The following CEP295NL variants were observed in gnomAD, a reference collection of about 807,000 sequenced individuals.
CEP295NL encodes the protein protein DDC8 homolog.
In CEP295NL, 3 loss-of-function variants were observed where a neutral mutation model predicts 4.6. The ratio of observed to expected loss-of-function variants is 0.65; its 90% CI spans 0.30 to 1.69. The LOEUF is 1.69. Among genes scored for constraint, CEP295NL ranks in the 40% most tolerant of loss-of-function variants. The pLI, the probability that CEP295NL is intolerant of heterozygous loss-of-function variation, is 0.10. For missense variants in CEP295NL, 719 were observed against 769.0 expected (o/e 0.93, Z 0.77); for synonymous variants, 295 against 312.2 (o/e 0.94, Z 0.58).
chr17:78,893,402 GGTGT>G (rs1229156770), intron 2 of CEP295NL, among the ~76,000 whole-genome samples: 2 of 120,904 alleles, frequency 1.7e-5, no homozygotes, highest in Non-Finnish European at 3.2e-5. Flanking sequence ...TGTATGCAGG[GGTGT>G]GTGTGCATAG....
chr17:78,891,893 G>C lies in CEP295NL; in HGVS notation c.611C>G (p.Pro204Arg). ...PRKTAASPEK[P>R]QTTKATGRMN... Reference sequence around the variant, plus strand: ...CCGACCCGTGGCTTTTGTAGTCTGTGGTTTCTCTGGACTCGCTGCTGTCTT... The same window carrying C: ...CCGACCCGTGGCTTTTGTAGTCTGTCGTTTCTCTGGACTCGCTGCTGTCTT... The change falls in exon 3 of 3, where the codon CCA becomes CGA. Residue 204 changes from proline to arginine, a missense_variant. Coordinates refer to ENST00000322630, the MANE Select transcript of CEP295NL (RefSeq NM_001243540.2). The surrounding 1 kb of genome is among the most constrained non-coding windows in gnomAD (Gnocchi z 4.5). 1 of 1,550,600 alleles carries C rather than the reference G, an allele frequency of 6.4e-7. No individual in the cohort carries two copies. The highest frequency in any genetic ancestry group is 8.7e-7 in the Non-Finnish European group (1 of 1,147,000).
chr17:78,901,661 T>C lies in CEP295NL; in HGVS notation c.44+124A>G, dbSNP rs2070095363. The C allele has an allele frequency of 7.0e-6, 5 of 710,560 alleles. No individual in the cohort carries two copies. In the South Asian group the frequency reaches 7.5e-5, roughly 11 times the overall value. 44.0% of individuals were successfully genotyped at this position (710,560 alleles called of 1,614,324 possible). A position where few individuals can be genotyped will look rare whatever the true frequency, so the allele number is the denominator to read the frequency against. On this transcript the variant is annotated intron_variant, in intron 2 of 2. Coordinates refer to ENST00000322630, the MANE Select transcript of CEP295NL (RefSeq NM_001243540.2). ...TGACCTAGGCCAAGCGACTTCACTC[T>C]GGGTGCCTCAGTTTGCTCTTTAGGA...
rs771463708 is a variant in CEP295NL, at chr17:78,902,383, C to T, written c.-98-457G>A. 1.1e-3 allele frequency among the ~76,000 whole-genome samples: 173 copies of T among 152,338 alleles called. 1 individual carries two copies. The highest frequency in any genetic ancestry group is 6.8e-3 in the Middle Eastern group (2 of 294). On this transcript the variant is annotated intron_variant, in intron 1 of 2. Transcript: ENST00000322630. Reference sequence around the variant, plus strand: ...TCGGCCTCCCAAAGTGCTGGGATTCCAGGCATGAGCCACCATGCCCAGCCT... The same window carrying T: ...TCGGCCTCCCAAAGTGCTGGGATTCTAGGCATGAGCCACCATGCCCAGCCT...
intron 2 of CEP295NL, 89 bp downstream of exon 2, chr17:78,901,696 T>C (rs1034314619): frequency 9.8e-5 from 70 of 716,060 alleles, no homozygotes; most frequent in Middle Eastern, 9.7e-4. Flanking sequence ...ATGGGGATGA[T>C]AACAACAGCA....
Position 78,891,240 on chromosome 17 carries a change from C to T in CEP295NL, c.1264G>A (p.Asp422Asn), listed in dbSNP as rs758054213. The T allele has an allele frequency of 1.7e-5, 26 of 1,550,532 alleles. No individual in the cohort carries two copies. In the African/African-American group the frequency reaches 1.9e-4, roughly 11 times the overall value. Reference sequence around the variant, plus strand: ...GCCTTGCCCATGAACGTTTTCAAGTCGGTCTTGGACGCTGCCTGCTGCGCC... The same window carrying T: ...GCCTTGCCCATGAACGTTTTCAAGTTGGTCTTGGACGCTGCCTGCTGCGCC... ...EEAQQAASKT[D>N]LKTFMGKAQN... is the part of the protein sequence containing the mutation. The change falls in exon 3 of 3, where the codon GAC (aspartate) becomes AAC (asparagine). Residue 422 changes from aspartate (D) to asparagine (N), a missense_variant. Transcript: ENST00000322630. The surrounding 1 kb of genome is among the most constrained non-coding windows in gnomAD (Gnocchi z 4.5).
At chr17:78,895,052 G>C (rs1157882134) in intron 2 of CEP295NL, among the ~76,000 whole-genome samples, 1 of 152,124 alleles carries the variant, frequency 6.6e-6, no homozygotes, top group Admixed American at 6.5e-5. Flanking sequence ...AGGCTGAGGC[G>C]GGCGGATCAC....
chr17:78,897,567 G>GTGA (rs754202691), intron 2 of CEP295NL: 1 of 152,240 alleles, frequency 6.6e-6, no homozygotes, highest in Non-Finnish European at 1.5e-5. Flanking sequence ...GACTCTCAAT[G>GTGA]TGATACTAGC....
rs1398118946 is a variant in CEP295NL at position 78,893,107 on chromosome 17, GTGCACA to G, written c.45-654_45-649del. Among the ~76,000 whole-genome samples the G allele has an allele frequency of 6.6e-5, 10 of 151,720 alleles. No individual in the cohort carries two copies. In the East Asian group the frequency reaches 1.6e-3, roughly 24 times the overall value. ...CGTGTGCAGGGGTGTGTGTGGGTGT[GTGCACA>G]TGCACATGTGTGTGCAGGGGTGTGT... On this transcript the variant is annotated intron_variant, in intron 2 of 2. Coordinates refer to ENST00000322630, the MANE Select transcript of CEP295NL (RefSeq NM_001243540.2).
chr17:78,900,245 T>C (rs901678535), intron 2 of CEP295NL: 1 of 152,182 alleles, frequency 6.6e-6, no homozygotes, highest in Non-Finnish European at 1.5e-5. Context: ...AACAAGCTTA[T>C]TAAAATTGTG....
At position 78,890,689 on chromosome 17, in the gene CEP295NL, C is replaced by T; in HGVS notation, c.1815G>A (p.Gln605=). ...QILQQNRLHK[Q]FLEEARKCLR... ...AGCATTTCCGGGCTTCTTCAAGAAACTGCTTGTGCAACCTGTTTTGCTGTA... is the reference window on the plus strand; with the variant it reads ...AGCATTTCCGGGCTTCTTCAAGAAATTGCTTGTGCAACCTGTTTTGCTGTA... The change falls in exon 3 of 3, where the codon CAG becomes CAA. Residue 605 remains glutamine (Q), a synonymous_variant. Transcript: ENST00000322630. The T allele has an allele frequency of 6.4e-7, 1 of 1,550,590 alleles. No homozygotes were observed.
At position 78,901,806 on chromosome 17, in the gene CEP295NL, G is replaced by A. The variant is rs765649700; in HGVS notation, c.23C>T (p.Ser8Leu). 8.4e-6 allele frequency: 6 copies of A among 717,112 alleles called. No homozygotes were observed. The highest frequency in any genetic ancestry group is 1.6e-5 in the Non-Finnish European group (6 of 385,034). The allele number at this position is 717,112 out of a possible 1,614,324, so 44.4% of individuals were successfully genotyped here. A position where few individuals can be genotyped will look rare whatever the true frequency, so the allele number is the denominator to read the frequency against. Residue 8 changes from serine to leucine, a missense_variant, in exon 2 of 3, where the codon TCA becomes TTA. By Grantham distance (145) the Ser-to-Leu change is moderately radical (BLOSUM62 -2). Transcript: ENST00000322630. ...TTACTGTGTGTGTCTCCAGATGACTGAGCTAGACCACCCAGAACACATTAC... is the reference window on the plus strand; with the variant it reads ...TTACTGTGTGTGTCTCCAGATGACTAAGCTAGACCACCCAGAACACATTAC... MCSGWSSSVIWRHTQFAV... is the reference protein window; with the variant it reads MCSGWSSLVIWRHTQFAV...
chr17:78,893,457 A>T (rs1400387945), intron 2 of CEP295NL, among the ~76,000 whole-genome samples: 4 of 92,372 alleles, frequency 4.3e-5, no homozygotes, highest in African/African-American at 1.8e-4. Flanking sequence ...CTGTGTGTGC[A>T]GGGGTGTGTG....
At position 78,891,568 on chromosome 17, in the gene CEP295NL, C is replaced by A; in HGVS notation, c.936G>T (p.Trp312Cys). ...CCCTTCTGCAGCTGGAATCAGCTGG[C>A]CACAGCTGCCCGAGGTCTCTCAGCT... is the stretch of plus-strand genomic sequence containing the variant. ...EGKLRDLGQLWPADSSCRREA... is the reference protein window; with the variant it reads ...EGKLRDLGQLCPADSSCRREA... Residue 312 changes from tryptophan (W) to cysteine (C), a missense_variant, in exon 3 of 3, where the codon TGG becomes TGT. Transcript: ENST00000322630. This position sits in a 1 kb window ranked among gnomAD's most constrained non-coding sequence, Gnocchi z 4.5. 1.9e-6 allele frequency: 3 copies of A among 1,550,844 alleles called. No homozygotes were observed. Among genetic ancestry groups the A allele is most frequent in the Non-Finnish European group, 2.6e-6 (3 of 1,147,056 alleles).
chr17:78,894,364 C>T (rs1280725661), intron 2 of CEP295NL, among the ~76,000 whole-genome samples: 1 of 151,896 alleles, frequency 6.6e-6, no homozygotes, highest in South Asian at 2.1e-4. Context: ...CTTAAGTCTT[C>T]TAGTGGGAGG....
intron 2 of CEP295NL, chr17:78,900,246 TA>T (rs1599168602): frequency 1.3e-5 from 2 of 152,298 alleles, no homozygotes; most frequent in East Asian, 3.9e-4. Context: ...ACAAGCTTAT[TA>T]AAATTGTGGT....
intron 2 of CEP295NL, among the ~76,000 whole-genome samples, chr17:78,893,913 A>G (rs2069958491): frequency 6.6e-6 from 1 of 152,146 alleles, no homozygotes; most frequent in African/African-American, 2.4e-5. Flanking sequence ...GATGCCAGAA[A>G]CAGCCAGATC....
intron 2 of CEP295NL, among the ~76,000 whole-genome samples, chr17:78,895,606 T>C (rs1312462150): frequency 6.6e-6 from 1 of 152,196 alleles, no homozygotes. Context: ...AGACTTACCC[T>C]ATGACCCAGA....
At chr17:78,893,288 AGGGTGTGTGTGCAG>A (rs2069939371) in intron 2 of CEP295NL, among the ~76,000 whole-genome samples, 1 of 53,470 alleles carries the variant, frequency 1.9e-5, no homozygotes, top group Non-Finnish European at 3.7e-5. Context: ...TGTGCGGGCA[AGGGTGTGTGTGCAG>A]GGGTGTATGT....
rs965602953 is a variant in CEP295NL at position 78,890,779 on chromosome 17, C to A, written c.1725G>T (p.Ser575=). ...GGTCGTCGTCGGCGAGGCTGGTGCC[C>A]GATGGGGAAGTGGTGCTGAGCTCAG... ...RGSELSTTSP[S]GTSLADDDRH... Residue 575 remains serine, a synonymous_variant, in exon 3 of 3, where the codon TCG becomes TCT. Coordinates refer to ENST00000322630, the MANE Select transcript of CEP295NL (RefSeq NM_001243540.2). 1 of 1,550,468 alleles carries A rather than the reference C, an allele frequency of 6.4e-7. No homozygotes were observed. Among genetic ancestry groups the A allele is most frequent in the Non-Finnish European group, 8.7e-7 (1 of 1,147,002 alleles).
Sources: gnomAD v4.1 joint callset for allele counts (sites outside exome capture counted in the v4.1 genomes callset) on GRCh38, gnomAD v4.1.1 for gene constraint, Gnocchi (gnomAD v3.1) non-coding constraint, MANE v1.5 for transcripts, NCBI Gene and HGNC (gene_info 2026-07-23, HGNC 2026-07-21) for gene names.